Variants in TFPI observed in about 807,000 individuals in gnomAD.
TFPI encodes tissue factor pathway inhibitor.
TFPI carries 15 observed loss-of-function variants against 34.6 expected under a neutral mutation model. That is an observed-to-expected ratio of 0.43 (90% CI 0.29 to 0.67). The LOEUF is 0.67. Ranked by LOEUF, TFPI falls within the 30% of genes least tolerant of loss-of-function variation. The pLI is 0.15. For missense variants in TFPI, 301 were observed against 364.0 expected (o/e 0.83, Z 1.41); for synonymous variants, 105 against 120.1 (o/e 0.87, Z 0.82).
At chr2:187,469,139 C>A (rs757955661) in intron 6 of TFPI, among the ~76,000 whole-genome samples, 2 of 151,898 alleles carry the variant, frequency 1.3e-5, no homozygotes, top group Non-Finnish European at 2.9e-5. Flanking sequence ...CTCCTGCCTT[C>A]TAGATATTTA....
At position 187,472,873 on chromosome 2, in the gene TFPI, G is replaced by A. The variant is rs150322781; in HGVS notation, c.629-4941C>T. On this transcript the variant is annotated intron_variant, in intron 6 of 7. Transcript: ENST00000233156. ...CTAAGAATACAAAAATTAGCTGGGC[G>A]TGGTGGCACACGCATGTGGTCCCAG... 3.9e-3 allele frequency among the ~76,000 whole-genome samples: 596 copies of A among 152,132 alleles called. 11 individuals are homozygous for A. The highest frequency in any genetic ancestry group is 3.0e-3 in the Non-Finnish European group (206 of 67,980).
At chr2:187,497,489 C>CAT (rs945678096) in intron 2 of TFPI, among the ~76,000 whole-genome samples, 96 of 151,962 alleles carry the variant, frequency 6.3e-4, no homozygotes, top group African/African-American at 1.9e-3. Flanking sequence ...TTCACATTCA[C>CAT]ATATATATAT....
chr2:187,478,828 A>G, intron 6 of TFPI: 2 of 1,588,490 alleles, frequency 1.3e-6, no homozygotes, highest in South Asian at 2.2e-5. Context: ...ATTGATAAAT[A>G]AAAAATGTGA....
At chr2:187,468,258 GACACACACACAC>G (rs61019402) in intron 6 of TFPI, among the ~76,000 whole-genome samples, 3 of 147,132 alleles carry the variant, frequency 2.0e-5, no homozygotes, top group East Asian at 2.0e-4. Context: ...ATTTCTTACA[GACACACACACAC>G]ACACACACAC....
intron 4 of TFPI, among the ~76,000 whole-genome samples, chr2:187,485,599 A>G (rs576556192): frequency 2.0e-5 from 3 of 151,830 alleles, no homozygotes; most frequent in African/African-American, 7.2e-5. Flanking sequence ...AATGACTTCA[A>G]TAATGCAGAG....
chr2:187,546,616 T>C (rs1314721350), intron 1 of TFPI: 2 of 152,150 alleles, frequency 1.3e-5, no homozygotes, highest in Non-Finnish European at 2.9e-5. Flanking sequence ...ATTAAATGTG[T>C]ATTTCTCTAT....
intron 6 of TFPI, among the ~76,000 whole-genome samples, chr2:187,470,542 T>G (rs1230583684): frequency 6.6e-6 from 1 of 152,150 alleles, no homozygotes; most frequent in African/African-American, 2.4e-5. Context: ...GCCTTTCCAT[T>G]GAAGCTGAAA....
rs543155434 is a variant in TFPI at position 187,482,653 on chromosome 2, G to GTGCCA, written c.628+1470_628+1471insTGGCA. Among the ~76,000 whole-genome samples the GTGCCA allele has an allele frequency of 3.4e-4, 51 of 151,978 alleles. No homozygotes were observed. In the East Asian group the frequency reaches 9.5e-3, roughly 28 times the overall value. Reference sequence around the variant, plus strand: ...ACACTTATTGAATGCCTACAATTTAGGGAATTTATTAATACCTGAGACAGC... The same window carrying GTGCCA: ...ACACTTATTGAATGCCTACAATTTAGTGCCAGGAATTTATTAATACCTGAGACAGC... On this transcript the variant is annotated intron_variant, in intron 6 of 7. Coordinates refer to ENST00000233156, the MANE Select transcript of TFPI (RefSeq NM_006287.6).
intron 1 of TFPI, among the ~76,000 whole-genome samples, chr2:187,528,585 A>G (rs577949607): frequency 1.3e-5 from 2 of 152,310 alleles, no homozygotes; most frequent in African/African-American, 4.8e-5. Flanking sequence ...TTTTATTACT[A>G]TAGGAACGTT....
Position 187,528,010 on chromosome 2 carries a change from A to G in TFPI, c.-2-24240T>C, listed in dbSNP as rs1330689450. 2.6e-5 allele frequency among the ~76,000 whole-genome samples: 4 copies of G among 152,032 alleles called. 1 individual carries two copies. The highest frequency in any genetic ancestry group is 4.4e-5 in the Non-Finnish European group (3 of 67,992). On this transcript the variant is annotated intron_variant, in intron 1 of 7. Transcript: ENST00000233156. The stretch of plus-strand genomic sequence containing the variant: ...AATAGAGGCCAAAGCCCAACCCAGG[A>G]AAATATAATAAATAAATATATTAAT...
chr2:187,515,854 T>C (rs147375549), intron 1 of TFPI: 1 of 152,298 alleles, frequency 6.6e-6, no homozygotes, highest in East Asian at 1.9e-4. Flanking sequence ...ATGTGTGCTA[T>C]AACCCATCCT....
intron 1 of TFPI, among the ~76,000 whole-genome samples, chr2:187,536,182 GAA>G (rs1243122392): frequency 3.3e-5 from 5 of 152,150 alleles, no homozygotes; most frequent in African/African-American, 9.7e-5. Flanking sequence ...TATTCCTTCT[GAA>G]ACTATTCCAA....
intron 1 of TFPI, among the ~76,000 whole-genome samples, chr2:187,521,480 G>A (rs567472008): frequency 2.0e-5 from 3 of 151,898 alleles, no homozygotes; most frequent in Non-Finnish European, 4.4e-5. Context: ...GGGTTGTATG[G>A]CAGTTTTATT....
intron 1 of TFPI, chr2:187,519,991 C>G (rs1394937008): frequency 1.3e-5 from 2 of 152,188 alleles, no homozygotes; most frequent in African/African-American, 4.8e-5. Flanking sequence ...GGTGGACGCC[C>G]CTCCCCCTAC....
intron 6 of TFPI, among the ~76,000 whole-genome samples, chr2:187,482,495 C>T (rs539339800): frequency 6.6e-6 from 1 of 152,080 alleles, no homozygotes; most frequent in Middle Eastern, 3.4e-3. Context: ...AAATTAGACT[C>T]AAGTTCATCT....
At chr2:187,516,708 C>G (rs988871140) in intron 1 of TFPI, 1 of 152,162 alleles carries the variant, frequency 6.6e-6, no homozygotes, top group Non-Finnish European at 1.5e-5. Context: ...ATGAAATTCA[C>G]CGACAGACAG....
chr2:187,489,253 C>T (rs1331834065), intron 3 of TFPI, among the ~76,000 whole-genome samples: 1 of 151,370 alleles, frequency 6.6e-6, no homozygotes, highest in East Asian at 1.9e-4. Flanking sequence ...TCAGCAACTG[C>T]ATCATCCTTT....
intron 1 of TFPI, among the ~76,000 whole-genome samples, chr2:187,523,104 T>C (rs1687495000): frequency 6.6e-6 from 1 of 152,078 alleles, no homozygotes. Flanking sequence ...CACATATTAC[T>C]GTCTAAAATT....
At chr2:187,516,930 T>A (rs1056395994) in intron 1 of TFPI, 17 of 152,094 alleles carry the variant, frequency 1.1e-4, no homozygotes, top group African/African-American at 4.1e-4. Flanking sequence ...CCCCTTAGAG[T>A]TGTAAGCCCC....
Sources: gnomAD v4.1 joint callset for allele counts (sites outside exome capture counted in the v4.1 genomes callset) on GRCh38, gnomAD v4.1.1 for gene constraint, MANE v1.5 for transcripts, NCBI Gene and HGNC (gene_info 2026-07-23, HGNC 2026-07-21) for gene names.